Variants in MEF2A observed in about 807,000 individuals in gnomAD.
The protein encoded by MEF2A is myocyte-specific enhancer factor 2A.
Under a neutral mutation model 55.8 loss-of-function variants are expected in MEF2A, and 28 were observed. That is an observed-to-expected ratio of 0.50 (90% CI 0.37 to 0.69). The LOEUF is 0.69. MEF2A is among the 30% of genes least tolerant of loss of function. MEF2A has a pLI of 0.00. For missense variants in MEF2A, 528 were observed against 626.2 expected (o/e 0.84, Z 1.67); for synonymous variants, 239 against 227.1 (o/e 1.05, Z -0.47).
chr15:99,654,636 T>C (rs2047405829), intron 4 of MEF2A, among the ~76,000 whole-genome samples: 2 of 152,066 alleles, frequency 1.3e-5, no homozygotes, highest in African/African-American at 4.8e-5. Context: ...TGGTAGAGAT[T>C]TGGCTGTGTT....
intron 3 of MEF2A, among the ~76,000 whole-genome samples, chr15:99,636,158 A>T (rs1317289954): frequency 1.3e-5 from 2 of 151,934 alleles, no homozygotes; most frequent in Admixed American, 1.3e-4. Context: ...TCACTTTTTC[A>T]TATTTTTATT....
At chr15:99,685,207 T>G (rs2053991627) in intron 7 of MEF2A, among the ~76,000 whole-genome samples, 1 of 152,126 alleles carries the variant, frequency 6.6e-6, no homozygotes, top group East Asian at 1.9e-4. Context: ...TTTTAGGATT[T>G]TTTTCCCCCC....
At chr15:99,641,636 C>T (rs558179218) in intron 3 of MEF2A, among the ~76,000 whole-genome samples, 5 of 151,950 alleles carry the variant, frequency 3.3e-5, no homozygotes, top group African/African-American at 1.2e-4. Flanking sequence ...GGCAGGAGAA[C>T]GGCATGAACT....
chr15:99,591,936 G>A (rs942845141), intron 1 of MEF2A, among the ~76,000 whole-genome samples: 3 of 151,828 alleles, frequency 2.0e-5, no homozygotes, highest in Non-Finnish European at 2.9e-5. Flanking sequence ...TTGCTTCTGG[G>A]CTTCTTTCTT....
chr15:99,707,518 A>G (rs2058166363), intron 10 of MEF2A, among the ~76,000 whole-genome samples: 1 of 152,192 alleles, frequency 6.6e-6, no homozygotes, highest in South Asian at 2.1e-4. Context: ...AGGAAAGTTT[A>G]AGAATATTAC....
intron 1 of MEF2A, among the ~76,000 whole-genome samples, chr15:99,571,001 G>A (rs1399586819): frequency 2.0e-5 from 3 of 151,920 alleles, no homozygotes; most frequent in East Asian, 1.9e-4. Context: ...CCTGGCCAAC[G>A]TGGTGAAACC....
At position 99,674,380 on chromosome 15, in the gene MEF2A, T is replaced by C; in HGVS notation, c.391-13T>C. The C allele has an allele frequency of 1.9e-6, 3 of 1,580,180 alleles. 1 individual carries two copies. Among genetic ancestry groups the C allele is most frequent in the Non-Finnish European group, 2.6e-6 (3 of 1,160,782 alleles). On this transcript the variant is annotated splice_polypyrimidine_tract_variant and intron_variant, in intron 5 of 11. Transcript: ENST00000557942. ...AAACCAACAGTTTTTTCCTTCTTTTTCTTTATTTACAGCCTGGTCTGCCAC... is the reference window on the plus strand; with the variant it reads ...AAACCAACAGTTTTTTCCTTCTTTTCCTTTATTTACAGCCTGGTCTGCCAC...
intron 7 of MEF2A, among the ~76,000 whole-genome samples, chr15:99,683,907 G>A (rs183308031): frequency 6.6e-6 from 1 of 151,958 alleles, no homozygotes; most frequent in Admixed American, 6.6e-5. Flanking sequence ...TCATTCTTAT[G>A]CCGTTGCATC....
Position 99,713,148 on chromosome 15 carries a change from T to C in MEF2A, c.*377T>C. ...TGCAGAAACCTAGAGGGCCCCCTAC[T>C]TGTTTTATTTAACTGTGCAGTGACT... On this transcript the variant is annotated 3_prime_UTR_variant, in exon 12 of 12. Transcript: ENST00000557942. 1 of 424,676 alleles carries C rather than the reference T, an allele frequency of 2.4e-6. No individual in the cohort carries two copies. Among genetic ancestry groups the C allele is most frequent in the Non-Finnish European group, 4.2e-6 (1 of 240,768 alleles). 26.3% of individuals were successfully genotyped at this position (424,676 alleles called of 1,614,324 possible).
chr15:99,710,530 A>G (rs1360406714), intron 10 of MEF2A, 104 bp from the exon 11 acceptor site: 3 of 1,445,696 alleles, frequency 2.1e-6, no homozygotes, highest in African/African-American at 2.8e-5. Flanking sequence ...GGCATGAGCC[A>G]GCATGGCTGG....
chr15:99,648,977 C>T (rs182007716), intron 4 of MEF2A, among the ~76,000 whole-genome samples: 24 of 152,178 alleles, frequency 1.6e-4, no homozygotes, highest in African/African-American at 4.8e-4. Flanking sequence ...AAATGGTGCT[C>T]TTATTTTTCT....
At chr15:99,614,333 C>T (rs1358581160) in intron 2 of MEF2A, among the ~76,000 whole-genome samples, 1 of 152,122 alleles carries the variant, frequency 6.6e-6, no homozygotes, top group Non-Finnish European at 1.5e-5. Context: ...CAAGTGATCC[C>T]TCACCTCACC....
At chr15:99,708,511 C>T (rs970329690) in intron 10 of MEF2A, among the ~76,000 whole-genome samples, 2 of 152,238 alleles carry the variant, frequency 1.3e-5, no homozygotes, top group Admixed American at 6.5e-5. Context: ...AATCATCAGT[C>T]GCTTAGCGTC....
chr15:99,628,132 A>G (rs1162919661), intron 2 of MEF2A, among the ~76,000 whole-genome samples: 1 of 152,210 alleles, frequency 6.6e-6, no homozygotes, highest in Non-Finnish European at 1.5e-5. Context: ...ACTCAGATTT[A>G]GAACTGATAT....
Position 99,645,592 on chromosome 15 carries a change from TGAA to T in MEF2A, c.90_92del (p.Lys31del). ...TTTACAAAGAGAAAGTTTGGATTAA[TGAA>T]GAAAGCCTATGAACTTAGTGTGCTC... On this transcript the variant is annotated inframe_deletion, in exon 4 of 12. Coordinates refer to ENST00000557942, the MANE Select transcript of MEF2A (RefSeq NM_001319206.4). The T allele has an allele frequency of 6.2e-7, 1 of 1,613,322 alleles. No homozygotes were observed. Among genetic ancestry groups the T allele is most frequent in the Non-Finnish European group, 8.5e-7 (1 of 1,179,636 alleles).
intron 7 of MEF2A, among the ~76,000 whole-genome samples, chr15:99,687,018 G>A (rs1251430865): frequency 6.7e-6 from 1 of 150,044 alleles, no homozygotes; most frequent in East Asian, 2.0e-4. Flanking sequence ...TCTGCCTCCT[G>A]GGCTCACCTC....
rs1184589820 is a variant in MEF2A, at chr15:99,715,713, G to T, written c.*2942G>T. 1.3e-5 allele frequency: 2 copies of T among 152,118 alleles called. No individual in the cohort carries two copies. Among genetic ancestry groups the T allele is most frequent in the African/African-American group, 4.8e-5 (2 of 41,414 alleles). 9.4% of individuals were successfully genotyped at this position (152,118 alleles called of 1,614,324 possible). A position where few individuals can be genotyped will look rare whatever the true frequency, so the allele number is the denominator to read the frequency against. On this transcript the variant is annotated 3_prime_UTR_variant, in exon 12 of 12. Coordinates refer to ENST00000557942, the MANE Select transcript of MEF2A (RefSeq NM_001319206.4). ...GCAAGAAAATTTTATCCCTCCAGAAGTATTTTATTACTAAAGAACAAAAGC... is the reference window on the plus strand; with the variant it reads ...GCAAGAAAATTTTATCCCTCCAGAATTATTTTATTACTAAAGAACAAAAGC...
At chr15:99,662,829 T>G (rs889897470) in intron 4 of MEF2A, among the ~76,000 whole-genome samples, 1 of 152,214 alleles carries the variant, frequency 6.6e-6, no homozygotes, top group African/African-American at 2.4e-5. Flanking sequence ...TATGCTAGAT[T>G]TACTGACTAC....
At chr15:99,628,075 A>G (rs959345914) in intron 2 of MEF2A, among the ~76,000 whole-genome samples, 1 of 152,226 alleles carries the variant, frequency 6.6e-6, no homozygotes, top group Non-Finnish European at 1.5e-5. Context: ...TGCACAGAAT[A>G]TCTGATTTTC....
Sources: allele counts gnomAD v4.1 joint callset (sites outside exome capture counted in the v4.1 genomes callset), GRCh38; gene constraint gnomAD v4.1.1; transcripts MANE v1.5; gene names NCBI Gene and HGNC (gene_info 2026-07-23, HGNC 2026-07-21).